The following KCNAB1 variants were observed in gnomAD, a reference collection of about 807,000 sequenced individuals.
KCNAB1 encodes the protein voltage-gated potassium channel subunit beta-1.
Under a neutral mutation model 64.6 loss-of-function variants are expected in KCNAB1, and 35 were observed. The observed-to-expected ratio is 0.54, with a 90% confidence interval of 0.41 to 0.72. The LOEUF is 0.72. KCNAB1 is among the 30% of genes least tolerant of loss of function. The probability of loss-of-function intolerance (pLI) is 0.00; values close to 1 mark genes in which losing one functional copy is unlikely to be tolerated. For missense variants in KCNAB1, 401 were observed against 512.9 expected (o/e 0.78, Z 2.11); for synonymous variants, 177 against 183.8 (o/e 0.96, Z 0.30).
chr3:156,375,518 T>C (rs1432327328), intron 1 of KCNAB1, among the ~76,000 whole-genome samples: 1 of 135,254 alleles, frequency 7.4e-6, no homozygotes, highest in Admixed American at 7.0e-5. Context: ...CAAAACAACG[T>C]TAATACATGT....
At chr3:156,516,094 C>G (rs1185029385) in intron 10 of KCNAB1, among the ~76,000 whole-genome samples, 176 bp from the exon 11 acceptor site, 2 of 152,196 alleles carry the variant, frequency 1.3e-5, no homozygotes, top group Non-Finnish European at 2.9e-5. Context: ...GAATGAAACA[C>G]AATTTGTAAG....
intron 8 of KCNAB1, among the ~76,000 whole-genome samples, chr3:156,498,466 A>C (rs1408279628): frequency 1.3e-5 from 2 of 152,098 alleles, no homozygotes; most frequent in Non-Finnish European, 2.9e-5. Flanking sequence ...TAAATACAGG[A>C]GTTTCCCTGC....
At chr3:156,143,049 T>G in intron 1 of KCNAB1, 1 of 1,391,430 alleles carries the variant, frequency 7.2e-7, no homozygotes, top group Non-Finnish European at 9.3e-7. Flanking sequence ...AAGAGAGATC[T>G]AAAGAAAACA....
chr3:156,327,953 G>C (rs1723083010), intron 1 of KCNAB1, among the ~76,000 whole-genome samples: 1 of 152,008 alleles, frequency 6.6e-6, no homozygotes, highest in Admixed American at 6.6e-5. Context: ...AACTTTGCCT[G>C]TGACTTCCAT....
chr3:156,452,098 T>G lies in KCNAB1; in HGVS notation c.320-801T>G, dbSNP rs1436148755. Among the ~76,000 whole-genome samples the G allele has an allele frequency of 1.3e-5, 2 of 152,188 alleles. No individual in the cohort carries two copies. The highest frequency in any genetic ancestry group is 2.4e-5 in the African/African-American group (1 of 41,446). ...GCATGTAATTAGGAATCAAAAGAAT[T>G]CATTCCCTCCTTTAGGAAGGGAAAG... On this transcript the variant is annotated intron_variant, in intron 2 of 13. Coordinates refer to ENST00000490337, the MANE Select transcript of KCNAB1 (RefSeq NM_172160.3). The surrounding 1 kb of genome is among the most constrained non-coding windows in gnomAD (Gnocchi z 4.6).
chr3:156,382,401 G>T (rs9819261), intron 1 of KCNAB1, among the ~76,000 whole-genome samples: 39,994 of 151,928 alleles, frequency 0.26, 6,601 homozygotes, highest in African/African-American at 0.47. Context: ...AGAATCTCTT[G>T]AACCCAGGAG....
intron 1 of KCNAB1, among the ~76,000 whole-genome samples, chr3:156,263,713 T>C (rs1718548707): frequency 6.6e-6 from 1 of 152,110 alleles, no homozygotes; most frequent in South Asian, 2.1e-4. Flanking sequence ...GCATACATCT[T>C]ATGCATGTCC....
At position 156,380,610 on chromosome 3, in the gene KCNAB1, A is replaced by G. The variant is rs145146185; in HGVS notation, c.276-41006A>G. 1.7e-4 allele frequency among the ~76,000 whole-genome samples: 26 copies of G among 152,332 alleles called. No individual in the cohort carries two copies. In the East Asian group the frequency reaches 5.0e-3, roughly 29 times the overall value. ...TATTTGCAGCAGGAGTGTGCCCAGC[A>G]TGTTTAGTGAAGCCATTACTAAATT... On this transcript the variant is annotated intron_variant, in intron 1 of 13. Coordinates refer to ENST00000490337, the MANE Select transcript of KCNAB1 (RefSeq NM_172160.3).
At chr3:156,386,420 G>A (rs1025958516) in intron 1 of KCNAB1, among the ~76,000 whole-genome samples, 2 of 152,160 alleles carry the variant, frequency 1.3e-5, no homozygotes, top group African/African-American at 2.4e-5. Flanking sequence ...TTGGAAGGTC[G>A]TTCTCTGCCA....
At chr3:156,346,154 T>C (rs1724469690) in intron 1 of KCNAB1, among the ~76,000 whole-genome samples, 1 of 151,898 alleles carries the variant, frequency 6.6e-6, no homozygotes, top group African/African-American at 2.4e-5. Context: ...CACGGAAAAC[T>C]CTTCCATCAG....
intron 1 of KCNAB1, among the ~76,000 whole-genome samples, chr3:156,199,636 G>A (rs1459011677): frequency 2.0e-5 from 3 of 152,056 alleles, no homozygotes; most frequent in Non-Finnish European, 1.5e-5. Context: ...TATGCTTCAC[G>A]AAGTTCTTGT....
intron 1 of KCNAB1, among the ~76,000 whole-genome samples, chr3:156,261,754 G>A (rs182350623): frequency 1.4e-4 from 21 of 151,908 alleles, no homozygotes; most frequent in African/African-American, 4.6e-4. Flanking sequence ...AAATCAGCTT[G>A]TTAATTTTTA....
At chr3:156,523,011 G>C (rs1718059335) in intron 11 of KCNAB1, among the ~76,000 whole-genome samples, 1 of 152,174 alleles carries the variant, frequency 6.6e-6, no homozygotes, top group African/African-American at 2.4e-5. Flanking sequence ...CTCATAGTAA[G>C]AGCAGAGCCT....
chr3:156,291,574 C>T (rs948862050), intron 1 of KCNAB1: 7 of 1,210,754 alleles, frequency 5.8e-6, no homozygotes, highest in Non-Finnish European at 6.2e-6. Context: ...CTGTAAAAAC[C>T]TCCCCCACTG....
At chr3:156,465,783 A>G (rs1713321601) in intron 7 of KCNAB1, 97 bp downstream of exon 7, 3 of 1,001,612 alleles carry the variant, frequency 3.0e-6, no homozygotes, top group South Asian at 1.3e-5. Context: ...AAGAGGAAAA[A>G]GTTCTATATG....
chr3:156,391,656 T>C (rs1044903488), intron 1 of KCNAB1, among the ~76,000 whole-genome samples: 6 of 152,306 alleles, frequency 3.9e-5, no homozygotes, highest in Non-Finnish European at 8.8e-5. Context: ...CATAGCCTAT[T>C]ACCTATGGGG....
chr3:156,333,247 A>C lies in KCNAB1; in HGVS notation c.276-88369A>C, dbSNP rs951868847. 9.9e-5 allele frequency among the ~76,000 whole-genome samples: 15 copies of C among 151,974 alleles called. 1 individual carries two copies. The highest frequency in any genetic ancestry group is 2.9e-5 in the Non-Finnish European group (2 of 67,992). ...CCTTTTGGCTGTCCTGAGTTCCTCT[A>C]CGCTGGACTGTAACCAGTTTTCTAT... On this transcript the variant is annotated intron_variant, in intron 1 of 13. Coordinates refer to ENST00000490337, the MANE Select transcript of KCNAB1 (RefSeq NM_172160.3).
At chr3:156,403,106 T>C (rs1348582832) in intron 1 of KCNAB1, among the ~76,000 whole-genome samples, 5 of 152,216 alleles carry the variant, frequency 3.3e-5, no homozygotes, top group Non-Finnish European at 7.3e-5. Context: ...ACTTAAAATA[T>C]TTCATTCAAA....
intron 1 of KCNAB1, among the ~76,000 whole-genome samples, chr3:156,132,583 G>T (rs769559243): frequency 6.6e-6 from 1 of 152,166 alleles, no homozygotes; most frequent in Non-Finnish European, 1.5e-5. Flanking sequence ...CACAGACATG[G>T]GCTGATGTCT....
Sources: allele counts gnomAD v4.1 joint callset (sites outside exome capture counted in the v4.1 genomes callset), GRCh38; gene constraint gnomAD v4.1.1; non-coding constraint Gnocchi (gnomAD v3.1); transcripts MANE v1.5; gene names NCBI Gene and HGNC (gene_info 2026-07-23, HGNC 2026-07-21).